NEK1: variants seen among roughly 807,000 people sequenced by gnomAD.
NEK1 encodes NIMA related kinase 1.
In NEK1, 137 loss-of-function variants were observed where a neutral mutation model predicts 182.1. That is an observed-to-expected ratio of 0.75 (90% CI 0.65 to 0.87). NEK1 has a LOEUF of 0.87. NEK1 is among the 40% of genes least tolerant of loss of function. The pLI, the probability that NEK1 is intolerant of heterozygous loss-of-function variation, is 0.00. For missense variants in NEK1, 1,391 were observed against 1,494.4 expected (o/e 0.93, Z 1.14); for synonymous variants, 513 against 492.2 (o/e 1.04, Z -0.56).
chr4:169,574,831 T>C (rs1765444771), intron 12 of NEK1, among the ~76,000 whole-genome samples: 2 of 152,162 alleles, frequency 1.3e-5, no homozygotes, highest in Non-Finnish European at 2.9e-5. Context: ...AGCCAGCATG[T>C]AAGACAGCTG....
intron 13 of NEK1, 108 bp downstream of exon 13, chr4:169,562,029 C>T (rs546170573): frequency 2.6e-5 from 29 of 1,096,868 alleles, no homozygotes; most frequent in African/African-American, 6.6e-5. Context: ...TATAGGTATT[C>T]GTTTGAAAGA....
At chr4:169,491,738 G>A (rs1750134038) in intron 23 of NEK1, among the ~76,000 whole-genome samples, 1 of 152,112 alleles carries the variant, frequency 6.6e-6, no homozygotes, top group African/African-American at 2.4e-5. Context: ...CTGCAACAAT[G>A]GTGTGTAAAT....
intron 27 of NEK1, among the ~76,000 whole-genome samples, chr4:169,444,579 G>C (rs1740137570): frequency 6.6e-6 from 1 of 152,110 alleles, no homozygotes. Context: ...ATTATAAATA[G>C]ATGTGCACTC....
intron 12 of NEK1, among the ~76,000 whole-genome samples, chr4:169,565,975 A>C (rs981052325): frequency 6.6e-6 from 1 of 152,220 alleles, no homozygotes; most frequent in African/African-American, 2.4e-5. Context: ...TATCTCAATA[A>C]AGCTATTTTT....
In NEK1 at chr4:169,463,402, GAA is replaced by G; in HGVS notation, c.2435-9_2435-8del. ...ACTTCTCCCACTGTATGTCCTATAAGAAAAATATACAAAGAAACAATTTTCAA... is the reference window on the plus strand; with the variant it reads ...ACTTCTCCCACTGTATGTCCTATAAGAAATATACAAAGAAACAATTTTCAA... On this transcript the variant is annotated splice_polypyrimidine_tract_variant and splice_region_variant and intron_variant, in intron 26 of 35. Transcript: ENST00000507142. 1 of 1,582,980 alleles carries G rather than the reference GAA, an allele frequency of 6.3e-7. No individual in the cohort carries two copies. The highest frequency in any genetic ancestry group is 2.3e-5 in the East Asian group (1 of 44,018).
intron 23 of NEK1, among the ~76,000 whole-genome samples, chr4:169,492,216 G>T (rs921347939): frequency 6.6e-6 from 1 of 152,194 alleles, no homozygotes; most frequent in African/African-American, 2.4e-5. Context: ...ATAAGATTCA[G>T]ACGCTGCTTC....
chr4:169,514,160 GTAT>G (rs969583788), intron 19 of NEK1, among the ~76,000 whole-genome samples: 6 of 151,752 alleles, frequency 4.0e-5, no homozygotes, highest in Non-Finnish European at 8.8e-5. Flanking sequence ...TAATTTTTTT[GTAT>G]TATTAGTAGA....
chr4:169,448,804 T>G (rs923624497), intron 27 of NEK1, among the ~76,000 whole-genome samples: 2 of 152,162 alleles, frequency 1.3e-5, no homozygotes, highest in African/African-American at 4.8e-5. Flanking sequence ...ATGGGACTGG[T>G]TGGACAGTGG....
intron 29 of NEK1, among the ~76,000 whole-genome samples, chr4:169,432,572 A>G (rs1307296460): frequency 6.6e-6 from 1 of 152,160 alleles, no homozygotes; most frequent in East Asian, 1.9e-4. Context: ...TATTTAAAAA[A>G]TTTCCCAGAT....
At chr4:169,410,410 A>G (rs1315918978) in intron 31 of NEK1, among the ~76,000 whole-genome samples, 1 of 152,218 alleles carries the variant, frequency 6.6e-6, no homozygotes, top group Non-Finnish European at 1.5e-5. Flanking sequence ...CAACTAAAAA[A>G]TTCTACTCAT....
intron 2 of NEK1, among the ~76,000 whole-genome samples, chr4:169,608,836 A>T (rs576362477): frequency 6.6e-6 from 1 of 152,242 alleles, no homozygotes; most frequent in South Asian, 2.1e-4. Flanking sequence ...AGGCAGGCGG[A>T]TCACTTGAGG....
At position 169,562,345 on chromosome 4, in the gene NEK1, C is replaced by T. The variant is rs866008754; in HGVS notation, c.1021-149G>A. On this transcript the variant is annotated intron_variant, in intron 12 of 35. Coordinates refer to ENST00000507142, the MANE Select transcript of NEK1 (RefSeq NM_001199397.3). ...ATTACATTATCTTAAAAAAAAAAAT[C>T]GTAGTCTTTGATATGCTGTTAAACA... 9 of 533,266 alleles carry T rather than the reference C, an allele frequency of 1.7e-5. No homozygotes were observed. The Middle Eastern group carries it at 1.5e-3, about 88-fold the overall frequency. 33.0% of individuals were successfully genotyped at this position (533,266 alleles called of 1,614,324 possible). A position where few individuals can be genotyped will look rare whatever the true frequency, so the allele number is the denominator to read the frequency against.
At chr4:169,446,285 G>A (rs1250603443) in intron 27 of NEK1, among the ~76,000 whole-genome samples, 1 of 151,832 alleles carries the variant, frequency 6.6e-6, no homozygotes, top group Non-Finnish European at 1.5e-5. Flanking sequence ...AACCACTAAC[G>A]AGACTAAGAG....
chr4:169,400,684 T>G, intron 33 of NEK1, 33 bp from the exon 34 acceptor site: 19 of 1,500,276 alleles, frequency 1.3e-5, no homozygotes, highest in Non-Finnish European at 1.6e-5. Context: ...AGATTTGATT[T>G]AAAAAGACTG....
chr4:169,471,607 A>G (rs759517875), intron 26 of NEK1, among the ~76,000 whole-genome samples: 31 of 152,116 alleles, frequency 2.0e-4, no homozygotes, highest in Non-Finnish European at 4.0e-4. Flanking sequence ...GGGGGTCAAG[A>G]ATCCACTGGA....
chr4:169,587,562 ATGTT>A lies in NEK1; in HGVS notation c.599_602del (p.Lys200MetfsTer8), dbSNP rs1554075284. On this transcript the variant is annotated frameshift_variant, in exon 9 of 36. Coordinates refer to ENST00000507142, the MANE Select transcript of NEK1 (RefSeq NM_001199397.3). LOFTEE classifies it high-confidence loss of function. The stretch of plus-strand genomic sequence containing the variant: ...TATTTCAGAAACTTCTACTTACAGC[ATGTT>A]TAAGTGTACACAGCTCATAAAGGAC... 6.7e-7 allele frequency: 1 copy of A among 1,492,642 alleles called. No homozygotes were observed. Among genetic ancestry groups the A allele is most frequent in the Non-Finnish European group, 9.0e-7 (1 of 1,107,886 alleles). 92.5% of individuals were successfully genotyped at this position (1,492,642 alleles called of 1,614,324 possible).
At chr4:169,453,916 C>G (rs1742337574) in intron 27 of NEK1, among the ~76,000 whole-genome samples, 1 of 152,080 alleles carries the variant, frequency 6.6e-6, no homozygotes, top group African/African-American at 2.4e-5. Context: ...TCTCCCTGAC[C>G]AAGATGGTCT....
chr4:169,452,837 T>G (rs1393807699), intron 27 of NEK1, among the ~76,000 whole-genome samples: 6 of 152,068 alleles, frequency 3.9e-5, no homozygotes, highest in Admixed American at 1.3e-4. Context: ...GAGAAAGAAA[T>G]AAAGAGTATT....
rs189750312 is a variant in NEK1 at position 169,530,722 on chromosome 4, A to G, written c.1665+7087T>C. Among the ~76,000 whole-genome samples the G allele has an allele frequency of 5.4e-3, 825 of 151,500 alleles. 6 individuals carry two copies. The highest frequency in any genetic ancestry group is 8.7e-3 in the Non-Finnish European group (589 of 67,838). On this transcript the variant is annotated intron_variant, in intron 19 of 35. Coordinates refer to ENST00000507142, the MANE Select transcript of NEK1 (RefSeq NM_001199397.3). ...GCCAAGGTGTTGGGGGTAGAACGAGAGATGTGACTACAGAAAGATAGCATA... is the reference window on the plus strand; with the variant it reads ...GCCAAGGTGTTGGGGGTAGAACGAGGGATGTGACTACAGAAAGATAGCATA...
Sources: gnomAD v4.1 joint callset for allele counts (sites outside exome capture counted in the v4.1 genomes callset) on GRCh38, gnomAD v4.1.1 for gene constraint, MANE v1.5 for transcripts, NCBI Gene and HGNC (gene_info 2026-07-23, HGNC 2026-07-21) for gene names.